The following KSR1 variants were observed in gnomAD, a reference collection of about 807,000 sequenced individuals.
KSR1 encodes kinase suppressor of ras.
In KSR1, 35 loss-of-function variants were observed where a neutral mutation model predicts 92.9. That is an observed-to-expected ratio of 0.38 (90% CI 0.29 to 0.50). The LOEUF is 0.50. KSR1 is among the 20% of genes least tolerant of loss of function. The probability of loss-of-function intolerance (pLI) is 0.94; values close to 1 mark genes in which losing one functional copy is unlikely to be tolerated. For synonymous variants in KSR1, 467 were observed against 472.6 expected, an observed-to-expected ratio of 0.99 and a Z score of 0.15; for missense variants, 972 against 1,158.5, an observed-to-expected ratio of 0.84 and a Z score of 2.34.
chr17:27,508,367 C>A (rs1307101873), intron 1 of KSR1, among the ~76,000 whole-genome samples: 1 of 152,158 alleles, frequency 6.6e-6, no homozygotes, highest in Non-Finnish European at 1.5e-5. Flanking sequence ...CTTTTATCAT[C>A]CCTCTGAATC....
intron 11 of KSR1, among the ~76,000 whole-genome samples, chr17:27,602,253 G>A (rs560477169): frequency 6.6e-6 from 1 of 152,294 alleles, no homozygotes; most frequent in East Asian, 1.9e-4. Context: ...TCCATATGGC[G>A]TTGCTCAGGT....
intron 1 of KSR1, among the ~76,000 whole-genome samples, chr17:27,510,836 C>T (rs1306935706): frequency 2.0e-5 from 3 of 152,178 alleles, no homozygotes; most frequent in Non-Finnish European, 4.4e-5. Context: ...CACTTTGATC[C>T]TCCTCTGAGC....
chr17:27,594,253 G>A (rs2073263951), intron 9 of KSR1, among the ~76,000 whole-genome samples: 2 of 152,120 alleles, frequency 1.3e-5, no homozygotes, highest in African/African-American at 4.8e-5. Context: ...TGAACTTGTA[G>A]GGAGCAGTAC....
rs139479519 is a variant in KSR1 at position 27,573,980 on chromosome 17, T to G, written c.373-3512T>G. Among the ~76,000 whole-genome samples, 461 of 152,276 alleles carry G rather than the reference T, an allele frequency of 3.0e-3. 4 individuals are homozygous for G. Among genetic ancestry groups the G allele is most frequent in the African/African-American group, 0.01 (428 of 41,568 alleles). ...AAAGAAAAAGAATCCCTATTTGCATTATAGTTAGGTTGAAGATTGGGTTTC... is the reference window on the plus strand; with the variant it reads ...AAAGAAAAAGAATCCCTATTTGCATGATAGTTAGGTTGAAGATTGGGTTTC... On this transcript the variant is annotated intron_variant, in intron 2 of 20. Transcript: ENST00000644974.
At chr17:27,519,249 TTTG>T (rs1214560397) in intron 1 of KSR1, among the ~76,000 whole-genome samples, 3 of 152,064 alleles carry the variant, frequency 2.0e-5, no homozygotes, top group Non-Finnish European at 4.4e-5. Flanking sequence ...GAAATGAGGT[TTTG>T]TTTTGTTAAA....
intron 1 of KSR1, among the ~76,000 whole-genome samples, chr17:27,488,979 TAA>T (rs771583118): frequency 1.4e-4 from 22 of 152,156 alleles, no homozygotes; most frequent in African/African-American, 5.3e-4. Context: ...AATTTTTTTT[TAA>T]AAAATGTCGT....
chr17:27,597,769 A>G (rs1370909080), intron 10 of KSR1, among the ~76,000 whole-genome samples: 4 of 151,964 alleles, frequency 2.6e-5, no homozygotes, highest in African/African-American at 9.7e-5. Context: ...GGCAGTGCTC[A>G]CTTTCTCGGG....
intron 1 of KSR1, among the ~76,000 whole-genome samples, chr17:27,518,327 A>G (rs944151918): frequency 6.6e-6 from 1 of 152,206 alleles, no homozygotes; most frequent in African/African-American, 2.4e-5. Context: ...AATCCACTTA[A>G]TACTGGGTGG....
intron 1 of KSR1, among the ~76,000 whole-genome samples, chr17:27,530,560 G>A (rs529336860): frequency 1.3e-5 from 2 of 152,224 alleles, no homozygotes; most frequent in Admixed American, 1.3e-4. Flanking sequence ...TACGTCTACC[G>A]TGGGCTCCTG....
intron 1 of KSR1, among the ~76,000 whole-genome samples, chr17:27,461,064 T>C (rs1226397297): frequency 6.6e-6 from 1 of 151,994 alleles, no homozygotes; most frequent in African/African-American, 2.4e-5. Context: ...TTTTTTTGTT[T>C]TGTTTTGTTT....
chr17:27,568,591 G>A (rs913590088), intron 2 of KSR1, among the ~76,000 whole-genome samples: 2 of 152,172 alleles, frequency 1.3e-5, no homozygotes, highest in African/African-American at 4.8e-5. Context: ...TAAAGATGCC[G>A]GGGACATGGC....
intron 1 of KSR1, among the ~76,000 whole-genome samples, chr17:27,494,891 G>A (rs2068934754): frequency 6.6e-6 from 1 of 152,312 alleles, no homozygotes; most frequent in African/African-American, 2.4e-5. Flanking sequence ...CCTGTGCCTG[G>A]GAGGCGGCCC....
At chr17:27,551,310 T>G (rs1051039994) in intron 2 of KSR1, among the ~76,000 whole-genome samples, 2 of 152,182 alleles carry the variant, frequency 1.3e-5, no homozygotes, top group Non-Finnish European at 2.9e-5. Context: ...ACTCGGAGTG[T>G]GTACTGTGCC....
intron 1 of KSR1, among the ~76,000 whole-genome samples, chr17:27,490,561 A>C (rs1468042979): frequency 1.3e-5 from 2 of 152,148 alleles, no homozygotes; most frequent in Non-Finnish European, 2.9e-5. Context: ...TGGGGGTTAC[A>C]GAATGTAGGC....
At chr17:27,472,607 A>G (rs1397585718) in intron 1 of KSR1, among the ~76,000 whole-genome samples, 1 of 152,338 alleles carries the variant, frequency 6.6e-6, no homozygotes, top group South Asian at 2.1e-4. Flanking sequence ...TCAGGTGACC[A>G]GCCTGGCCAA....
At chr17:27,489,829 G>A (rs1325889203) in intron 1 of KSR1, among the ~76,000 whole-genome samples, 1 of 152,220 alleles carries the variant, frequency 6.6e-6, no homozygotes, top group Non-Finnish European at 1.5e-5. Flanking sequence ...GGGGCCCAGG[G>A]GTTGGGAGGT....
intron 1 of KSR1, among the ~76,000 whole-genome samples, chr17:27,513,007 C>T (rs2069658534): frequency 6.6e-6 from 1 of 152,158 alleles, no homozygotes; most frequent in Non-Finnish European, 1.5e-5. Context: ...TAGTAGTTGC[C>T]TCCCTGCTTC....
Position 27,605,773 on chromosome 17 carries a change from G to A in KSR1, c.1954G>A (p.Gly652Arg). The A allele has an allele frequency of 6.2e-7, 1 of 1,612,734 alleles. No homozygotes were observed. The highest frequency in any genetic ancestry group is 8.5e-7 in the Non-Finnish European group (1 of 1,179,830). The change falls in exon 14 of 21, where the codon GGG (glycine) becomes AGG (arginine). Residue 652 changes from glycine (G) to arginine (R), a missense_variant. Physicochemically the swap from Gly to Arg is moderately radical, Grantham distance 125. Coordinates refer to ENST00000644974, the MANE Select transcript of KSR1 (RefSeq NM_001394583.1). The stretch of plus-strand genomic sequence containing the variant: ...GCATGAGAACGTGGTGCTCTTCATG[G>A]GGGCCTGCATGAACCCGCCCCACCT... ...TRHENVVLFMGACMNPPHLAI... is the reference protein window; with the variant it reads ...TRHENVVLFMRACMNPPHLAI...
intron 2 of KSR1, among the ~76,000 whole-genome samples, chr17:27,575,980 C>G (rs2072489570): frequency 6.6e-6 from 1 of 152,202 alleles, no homozygotes; most frequent in African/African-American, 2.4e-5. Flanking sequence ...GAATCCACTT[C>G]ACGTTCATTC....
Sources: gnomAD v4.1 joint callset for allele counts (sites outside exome capture counted in the v4.1 genomes callset) on GRCh38, gnomAD v4.1.1 for gene constraint, MANE v1.5 for transcripts, NCBI Gene and HGNC (gene_info 2026-07-23, HGNC 2026-07-21) for gene names.